Variants in NYAP1 observed in about 807,000 individuals in gnomAD.
NYAP1 encodes neuronal tyrosine-phosphorylated phosphoinositide-3-kinase adapter 1.
In NYAP1, 20 loss-of-function variants were observed where a neutral mutation model predicts 58.6. That is an observed-to-expected ratio of 0.34 (90% CI 0.24 to 0.50). NYAP1 has a LOEUF of 0.50. Among genes scored for constraint, NYAP1 ranks in the 20% least tolerant of loss-of-function variants. NYAP1 has a pLI of 0.98. For missense variants in NYAP1, 1,150 were observed against 1,194.5 expected, an observed-to-expected ratio of 0.96 and a Z score of 0.55; for synonymous variants, 572 against 523.1, an observed-to-expected ratio of 1.09 and a Z score of -1.27.
rs1799836348 is a variant in NYAP1 at position 100,494,038 on chromosome 7, A to AC, written c.*141dup. On this transcript the variant is annotated 3_prime_UTR_variant, in exon 7 of 7. Coordinates refer to ENST00000300179, the MANE Select transcript of NYAP1 (RefSeq NM_173564.4). ...AGGGAGAACCCCTGCCCTCCAACCT[A>AC]CCCCCCGGGATGGGGAGAGTCTGCC... 1.2e-5 allele frequency: 9 copies of AC among 762,824 alleles called. No homozygotes were observed. The highest frequency in any genetic ancestry group is 1.1e-4 in the Admixed American group (3 of 26,438). The allele number at this position is 762,824 out of a possible 1,614,324, so 47.3% of individuals were successfully genotyped here.
At position 100,485,909 on chromosome 7, in the gene NYAP1, A is replaced by G. The variant is rs1196537507; in HGVS notation, c.68+530A>G. Among the ~76,000 whole-genome samples the G allele has an allele frequency of 6.6e-6, 1 of 152,014 alleles. No individual in the cohort carries two copies. Among genetic ancestry groups the G allele is most frequent in the African/African-American group, 2.4e-5 (1 of 41,376 alleles). On this transcript the variant is annotated intron_variant, in intron 2 of 6. Transcript: ENST00000300179. The surrounding 1 kb of genome is among the most constrained non-coding windows in gnomAD (Gnocchi z 5.7). ...CAGGGGACGACCTCCAGACCCCTGC[A>G]ATCCCTGTCTGCCTCCCCGCTTGCC...
Position 100,490,283 on chromosome 7 carries a change from C to G in NYAP1, c.1946-234C>G, listed in dbSNP as rs917357038. On this transcript the variant is annotated intron_variant, in intron 4 of 6. Coordinates refer to ENST00000300179, the MANE Select transcript of NYAP1 (RefSeq NM_173564.4). This position sits in a 1 kb window ranked among gnomAD's most constrained non-coding sequence, Gnocchi z 4.6. ...CTGACCAGGGAAAAGGGTTTGGATGCAGCACATAGACATGATTCTCAGCCC... is the reference window on the plus strand; with the variant it reads ...CTGACCAGGGAAAAGGGTTTGGATGGAGCACATAGACATGATTCTCAGCCC... Among the ~76,000 whole-genome samples the G allele has an allele frequency of 2.6e-5, 4 of 152,106 alleles. No individual in the cohort carries two copies. The highest frequency in any genetic ancestry group is 4.4e-5 in the Non-Finnish European group (3 of 68,014).
intron 6 of NYAP1, 124 bp from the exon 7 acceptor site, chr7:100,493,522 T>G: frequency 1.1e-6 from 1 of 893,320 alleles, no homozygotes; most frequent in Non-Finnish European, 1.6e-6. Context: ...GCAGAGGCCG[T>G]TGGGGGGCAA....
chr7:100,489,416 G>A lies in NYAP1; in HGVS notation c.1695G>A (p.Glu565=), dbSNP rs1438940991. 1 of 1,613,054 alleles carries A rather than the reference G, an allele frequency of 6.2e-7. No individual in the cohort carries two copies. Among genetic ancestry groups the A allele is most frequent in the Admixed American group, 1.7e-5 (1 of 60,008 alleles). ...AAGLKRPPAY[E]SLKAGGVLNK... is the part of the protein sequence containing the mutation. The stretch of plus-strand genomic sequence containing the variant: ...GGCTCAAGAGACCCCCTGCCTATGA[G>A]AGCCTCAAGGCTGGGGGGGTGCTGA... The change falls in exon 4 of 7, where the codon GAG becomes GAA. Residue 565 remains glutamate (E), a synonymous_variant. Coordinates refer to ENST00000300179, the MANE Select transcript of NYAP1 (RefSeq NM_173564.4).
At position 100,489,633 on chromosome 7, in the gene NYAP1, C is replaced by G. The variant is rs1355681326; in HGVS notation, c.1912C>G (p.Leu638Val). The G allele has an allele frequency of 7.1e-7, 1 of 1,406,262 alleles. No individual in the cohort carries two copies. Among genetic ancestry groups the G allele is most frequent in the East Asian group, 3.5e-5 (1 of 28,582 alleles). The allele number at this position is 1,406,262 out of a possible 1,614,324, so 87.1% of individuals were successfully genotyped here. ...GAGWALQRKV[L>V]YGGRKAKELD... ...AGGCTGGGCCCTGCAGAGGAAGGTC[C>G]TCTATGGAGGGAGAAAAGCAAAGGA... The change falls in exon 4 of 7, where the codon CTC (leucine) becomes GTC (valine). Residue 638 changes from leucine (L) to valine (V), a missense_variant. Leu to Val is a conservative substitution (Grantham distance 32). Coordinates refer to ENST00000300179, the MANE Select transcript of NYAP1 (RefSeq NM_173564.4).
Position 100,486,789 on chromosome 7 carries a change from T to C in NYAP1, c.69-32T>C. 1.4e-6 allele frequency: 2 copies of C among 1,434,814 alleles called. No individual in the cohort carries two copies. The highest frequency in any genetic ancestry group is 1.8e-6 in the Non-Finnish European group (2 of 1,098,290). 88.9% of individuals were successfully genotyped at this position (1,434,814 alleles called of 1,614,324 possible). Reference sequence around the variant, plus strand: ...GGGGGATGCCCAGGTCCGAGGCCCTTCCTCCACTCCATCGTGGCCTTCTCT... The same window carrying C: ...GGGGGATGCCCAGGTCCGAGGCCCTCCCTCCACTCCATCGTGGCCTTCTCT... On this transcript the variant is annotated intron_variant, in intron 2 of 6. Transcript: ENST00000300179. This position sits in a 1 kb window ranked among gnomAD's most constrained non-coding sequence, Gnocchi z 6.2.
rs371826600 is a variant in NYAP1 at position 100,486,867 on chromosome 7, G to A, written c.115G>A (p.Gly39Ser). The change falls in exon 3 of 7, where the codon GGC becomes AGC. Residue 39 changes from glycine (G) to serine (S), a missense_variant. Gly to Ser is a moderately conservative substitution (Grantham distance 56). Coordinates refer to ENST00000300179, the MANE Select transcript of NYAP1 (RefSeq NM_173564.4). This position sits in a 1 kb window ranked among gnomAD's most constrained non-coding sequence, Gnocchi z 6.2. ...CGCTGGCTCGGCTGGGCCCGCGGCC[G>A]GCCAGGGGCCTGGGGTCCGCGTGCG... is the stretch of plus-strand genomic sequence containing the variant. ...APAGSAGPAA[G>S]QGPGVRVRDI... 18 of 1,541,964 alleles carry A rather than the reference G, an allele frequency of 1.2e-5. No homozygotes were observed. Among genetic ancestry groups the A allele is most frequent in the African/African-American group, 1.4e-5 (1 of 72,670 alleles).
intron 6 of NYAP1, among the ~76,000 whole-genome samples, chr7:100,492,420 C>G (rs1799808719): frequency 6.6e-6 from 1 of 152,048 alleles, no homozygotes; most frequent in Non-Finnish European, 1.5e-5. Flanking sequence ...CAACAGCACA[C>G]CTTTGTGCGA....
chr7:100,490,405 C>G lies in NYAP1; in HGVS notation c.1946-112C>G. The G allele has an allele frequency of 1.0e-6, 1 of 1,004,704 alleles. No homozygotes were observed. Among genetic ancestry groups the G allele is most frequent in the South Asian group, 1.4e-5 (1 of 70,406 alleles). The allele number at this position is 1,004,704 out of a possible 1,614,324, so 62.2% of individuals were successfully genotyped here. ...GGAGCCCCATCCCAGCCGTTACTTG[C>G]AAAAGGGGCAATTGTGTCTCCTGGT... On this transcript the variant is annotated intron_variant, in intron 4 of 6. Transcript: ENST00000300179. This position sits in a 1 kb window ranked among gnomAD's most constrained non-coding sequence, Gnocchi z 4.6.
intron 6 of NYAP1, among the ~76,000 whole-genome samples, chr7:100,492,360 G>A (rs1477975259): frequency 1.3e-5 from 2 of 152,152 alleles, no homozygotes; most frequent in Non-Finnish European, 2.9e-5. Context: ...TGCTTAAGAT[G>A]GGCAGCAAGG....
In NYAP1 at chr7:100,488,644, C is replaced by G; in HGVS notation, c.923C>G (p.Pro308Arg). ...CACCGCCGCCCAGCTTCAGCCCTCC[C>G]GAGCCGGAGGGACGGGACGCCCACC... Reference protein sequence around the residue: ...HAHRRPASALPSRRDGTPTKT... With the variant: ...HAHRRPASALRSRRDGTPTKT... Residue 308 changes from proline (P) to arginine (R), a missense_variant, in exon 4 of 7, where the codon CCG becomes CGG. Transcript: ENST00000300179. This position sits in a 1 kb window ranked among gnomAD's most constrained non-coding sequence, Gnocchi z 5.9. 6.2e-7 allele frequency: 1 copy of G among 1,610,550 alleles called. No homozygotes were observed. The highest frequency in any genetic ancestry group is 8.5e-7 in the Non-Finnish European group (1 of 1,178,922).
chr7:100,489,076 C>A lies in NYAP1; in HGVS notation c.1355C>A (p.Pro452His), dbSNP rs749763365. 1.3e-6 allele frequency: 2 copies of A among 1,550,154 alleles called. No individual in the cohort carries two copies. The highest frequency in any genetic ancestry group is 2.7e-5 in the African/African-American group (2 of 73,462). Residue 452 changes from proline (P) to histidine (H), a missense_variant, in exon 4 of 7, where the codon CCC becomes CAC. By Grantham distance (77) the Pro-to-His change is moderately conservative (BLOSUM62 -2). Transcript: ENST00000300179. ...GCCCCGGCCGCCTTGCTCCCCGGCC[C>A]CCCCAAGGACAAGGCCGTGTCTTAC... is the stretch of plus-strand genomic sequence containing the variant. ...PPAPAALLPG[P>H]PKDKAVSYTM...
At position 100,493,986 on chromosome 7, in the gene NYAP1, C is replaced by A; in HGVS notation, c.*83C>A. 8.4e-7 allele frequency: 1 copy of A among 1,191,540 alleles called. No individual in the cohort carries two copies. The highest frequency in any genetic ancestry group is 1.1e-6 in the Non-Finnish European group (1 of 893,792). The allele number at this position is 1,191,540 out of a possible 1,614,324, so 73.8% of individuals were successfully genotyped here. A position where few individuals can be genotyped will look rare whatever the true frequency, so the allele number is the denominator to read the frequency against. ...CTCCCGGGAGCCTCGCCTTGAGAGACATTGAAAGACTACGTGGGAGAGTGC... is the reference window on the plus strand; with the variant it reads ...CTCCCGGGAGCCTCGCCTTGAGAGAAATTGAAAGACTACGTGGGAGAGTGC... On this transcript the variant is annotated 3_prime_UTR_variant, in exon 7 of 7. Coordinates refer to ENST00000300179, the MANE Select transcript of NYAP1 (RefSeq NM_173564.4).
In NYAP1 at chr7:100,488,704, C is replaced by G. The variant is rs1206079136; in HGVS notation, c.983C>G (p.Pro328Arg). The G allele has an allele frequency of 6.2e-7, 1 of 1,611,748 alleles. No individual in the cohort carries two copies. Among genetic ancestry groups the G allele is most frequent in the African/African-American group, 1.3e-5 (1 of 74,808 alleles). Residue 328 changes from proline (P) to arginine (R), a missense_variant, in exon 4 of 7, where the codon CCC becomes CGC. By Grantham distance (103) the Pro-to-Arg change is moderately radical (BLOSUM62 -2). Transcript: ENST00000300179. The surrounding 1 kb of genome is among the most constrained non-coding windows in gnomAD (Gnocchi z 5.9). The part of the protein sequence containing the change: ...TTPCEIPPPF[P>R]NLLQHRPPLL... Reference sequence around the variant, plus strand: ...CCTTGTGAAATCCCCCCGCCCTTCCCCAACCTCCTTCAGCACCGGCCTCCA... The same window carrying G: ...CCTTGTGAAATCCCCCCGCCCTTCCGCAACCTCCTTCAGCACCGGCCTCCA...
In NYAP1 at chr7:100,487,323, G is replaced by C; in HGVS notation, c.430+141G>C. On this transcript the variant is annotated intron_variant, in intron 3 of 6. Transcript: ENST00000300179. This position sits in a 1 kb window ranked among gnomAD's most constrained non-coding sequence, Gnocchi z 4.1. ...TTCCATTCTCAAAAGGAATTGGGGG[G>C]GTCCTTTTGGATGGGCCTGAGATGA... The C allele has an allele frequency of 8.5e-6, 8 of 941,718 alleles. No individual in the cohort carries two copies. The highest frequency in any genetic ancestry group is 1.2e-5 in the Non-Finnish European group (8 of 676,742). The allele number at this position is 941,718 out of a possible 1,614,324, so 58.3% of individuals were successfully genotyped here.
rs543235608 is a variant in NYAP1, at chr7:100,488,613, C to T, written c.892C>T (p.His298Tyr). The stretch of plus-strand genomic sequence containing the variant: ...ACAACAGCCTCACGCCCTTCCGCCC[C>T]ATGCCCACCGCCGCCCAGCTTCAGC... ...PPQQPHALPP[H>Y]AHRRPASALP... The change falls in exon 4 of 7, where the codon CAT becomes TAT. Residue 298 changes from histidine (H) to tyrosine (Y), a missense_variant. His to Tyr is a moderately conservative substitution (Grantham distance 83, BLOSUM62 2). Coordinates refer to ENST00000300179, the MANE Select transcript of NYAP1 (RefSeq NM_173564.4). The surrounding 1 kb of genome is among the most constrained non-coding windows in gnomAD (Gnocchi z 5.9). The T allele has an allele frequency of 6.1e-5, 99 of 1,610,970 alleles. No homozygotes were observed. In the South Asian group the frequency reaches 1.0e-3, roughly 16 times the overall value.
In NYAP1 at chr7:100,488,818, C is replaced by T. The variant is rs1278178460; in HGVS notation, c.1097C>T (p.Pro366Leu). The T allele has an allele frequency of 1.3e-6, 2 of 1,575,502 alleles. No homozygotes were observed. The highest frequency in any genetic ancestry group is 3.8e-5 in the Admixed American group (2 of 52,788). ...CCTGTCCTCTGCCACTCCAAGGAGC[C>T]AGCCGGCTCCACCCCAGCTCCCCAA... ...RLPVLCHSKE[P>L]AGSTPAPQVP... The change falls in exon 4 of 7, where the codon CCA becomes CTA. Residue 366 changes from proline (P) to leucine (L), a missense_variant. By Grantham distance (98) the Pro-to-Leu change is moderately conservative. Coordinates refer to ENST00000300179, the MANE Select transcript of NYAP1 (RefSeq NM_173564.4). This position sits in a 1 kb window ranked among gnomAD's most constrained non-coding sequence, Gnocchi z 5.9.
rs778392203 is a variant in NYAP1 at position 100,489,075 on chromosome 7, C to T, written c.1354C>T (p.Pro452Ser). Residue 452 changes from proline (P) to serine (S), a missense_variant, in exon 4 of 7, where the codon CCC (proline) becomes TCC (serine). Coordinates refer to ENST00000300179, the MANE Select transcript of NYAP1 (RefSeq NM_173564.4). ...PPAPAALLPG[P>S]PKDKAVSYTM... ...TGCCCCGGCCGCCTTGCTCCCCGGC[C>T]CCCCCAAGGACAAGGCCGTGTCTTA... The T allele has an allele frequency of 9.0e-6, 14 of 1,549,620 alleles. 1 individual carries two copies. In the Middle Eastern group the frequency reaches 5.0e-4, roughly 56 times the overall value.
rs1456878856 is a variant in NYAP1, at chr7:100,494,758, T to C, written c.*855T>C. ...GAGATGTCAGGAACTTTTTTTTAAT[T>C]CCTTTCTTTTCAGAATAATATATTA... On this transcript the variant is annotated 3_prime_UTR_variant, in exon 7 of 7. Coordinates refer to ENST00000300179, the MANE Select transcript of NYAP1 (RefSeq NM_173564.4). The C allele has an allele frequency of 6.6e-6, 1 of 152,404 alleles. No individual in the cohort carries two copies. The highest frequency in any genetic ancestry group is 1.9e-4 in the East Asian group (1 of 5,188). 9.4% of individuals were successfully genotyped at this position (152,404 alleles called of 1,614,324 possible). A position where few individuals can be genotyped will look rare whatever the true frequency, so the allele number is the denominator to read the frequency against.
Sources: gnomAD v4.1 joint callset for allele counts (sites outside exome capture counted in the v4.1 genomes callset) on GRCh38, gnomAD v4.1.1 for gene constraint, Gnocchi (gnomAD v3.1) non-coding constraint, MANE v1.5 for transcripts, NCBI Gene and HGNC (gene_info 2026-07-23, HGNC 2026-07-21) for gene names.